The following F2R variants were observed in gnomAD, a reference collection of about 807,000 sequenced individuals.
F2R encodes coagulation factor II thrombin receptor, also known as proteinase-activated receptor 1.
A neutral mutation model predicts 18.3 loss-of-function variants in F2R; 12 were observed. The observed-to-expected ratio is 0.66, with a 90% CI of 0.42 to 1.06. F2R has a LOEUF of 1.06. F2R is among the 50% of genes least tolerant of loss of function. F2R has a pLI of 0.00. For synonymous variants in F2R, 210 were observed against 219.9 expected (o/e 0.95, Z 0.40); for missense variants, 438 against 530.8 (o/e 0.83, Z 1.72).
Position 76,732,905 on chromosome 5 carries a change from G to T in F2R, c.680G>T (p.Trp227Leu). Reference sequence around the variant, plus strand: ...GCTTCCTTCACTTGTCTGGCCATCTGGGCTTTGGCCATCGCAGGGGTAGTG... The same window carrying T: ...GCTTCCTTCACTTGTCTGGCCATCTTGGCTTTGGCCATCGCAGGGGTAGTG... Reference protein sequence around the residue: ...GRASFTCLAIWALAIAGVVPL... With the variant: ...GRASFTCLAILALAIAGVVPL... The change falls in exon 2 of 2, where the codon TGG (tryptophan) becomes TTG (leucine). Residue 227 changes from tryptophan to leucine, a missense_variant. Physicochemically the swap from Trp to Leu is moderately conservative, Grantham distance 61. Coordinates refer to ENST00000319211, the MANE Select transcript of F2R (RefSeq NM_001992.5). 1 of 1,614,130 alleles carries T rather than the reference G, an allele frequency of 6.2e-7. No homozygotes were observed. Among genetic ancestry groups the T allele is most frequent in the Non-Finnish European group, 8.5e-7 (1 of 1,180,038 alleles).
Position 76,732,752 on chromosome 5 carries a change from G to A in F2R, c.527G>A (p.Arg176His), listed in dbSNP as rs752231723. 8 of 1,613,990 alleles carry A rather than the reference G, an allele frequency of 5.0e-6. No individual in the cohort carries two copies. The Admixed American group carries it at 5.0e-5, about 10-fold the overall frequency. The change falls in exon 2 of 2, where the codon CGC (arginine) becomes CAC (histidine). Residue 176 changes from arginine to histidine, a missense_variant. By Grantham distance (29) the Arg-to-His change is conservative. Transcript: ENST00000319211. ...TGGCAGTTTGGGTCTGAATTGTGTC[G>A]CTTCGTCACTGCAGCATTTTACTGT... ...SDWQFGSELC[R>H]FVTAAFYCNM... is the part of the protein sequence containing the mutation.
chr5:76,723,461 G>A (rs1375471306), intron 1 of F2R, among the ~76,000 whole-genome samples: 1 of 152,134 alleles, frequency 6.6e-6, no homozygotes, highest in East Asian at 1.9e-4. Context: ...GTGCCTCCAT[G>A]TTGTCATTTA....
At chr5:76,716,565 C>T in intron 1 of F2R, 170 bp downstream of exon 1, 3 of 702,790 alleles carry the variant, frequency 4.3e-6, no homozygotes, top group Non-Finnish European at 7.1e-6. Context: ...TGGGGCGTGC[C>T]ACCCCCTTCG....
In F2R at chr5:76,733,132, G is replaced by T. The variant is rs1225788905; in HGVS notation, c.907G>T (p.Ala303Ser). 6.2e-7 allele frequency: 1 copy of T among 1,614,042 alleles called. No homozygotes were observed. Among genetic ancestry groups the T allele is most frequent in the African/African-American group, 1.3e-5 (1 of 74,920 alleles). ...IIRCLSSSAV[A>S]NRSKKSRALF... ...TCGATGTCTTAGCTCTTCCGCAGTT[G>T]CCAACCGCAGCAAGAAGTCCCGGGC... Residue 303 changes from alanine (A) to serine (S), a missense_variant, in exon 2 of 2, where the codon GCC (alanine) becomes TCC (serine). Ala to Ser is a moderately conservative substitution (Grantham distance 99). Coordinates refer to ENST00000319211, the MANE Select transcript of F2R (RefSeq NM_001992.5).
chr5:76,732,793 A>C lies in F2R; in HGVS notation c.568A>C (p.Ile190Leu). 6.2e-7 allele frequency: 1 copy of C among 1,614,122 alleles called. No individual in the cohort carries two copies. The highest frequency in any genetic ancestry group is 8.5e-7 in the Non-Finnish European group (1 of 1,180,026). Residue 190 changes from isoleucine (I) to leucine (L), a missense_variant, in exon 2 of 2, where the codon ATC (isoleucine) becomes CTC (leucine). By Grantham distance (5) the Ile-to-Leu change is conservative. Transcript: ENST00000319211. The part of the protein sequence containing the change: ...AAFYCNMYAS[I>L]LLMTVISIDR... ...ATTTTACTGTAACATGTACGCCTCTATCTTGCTCATGACAGTCATAAGCAT... is the reference window on the plus strand; with the variant it reads ...ATTTTACTGTAACATGTACGCCTCTCTCTTGCTCATGACAGTCATAAGCAT...
Position 76,732,445 on chromosome 5 carries a change from A to C in F2R, c.220A>C (p.Ile74Leu). ...SGLTEYRLVS[I>L]NKSSPLQKQL... ...GTTAACTGAATACAGATTAGTCTCCATCAATAAAAGCAGTCCTCTTCAAAA... is the reference window on the plus strand; with the variant it reads ...GTTAACTGAATACAGATTAGTCTCCCTCAATAAAAGCAGTCCTCTTCAAAA... The change falls in exon 2 of 2, where the codon ATC becomes CTC. Residue 74 changes from isoleucine (I) to leucine (L), a missense_variant. Transcript: ENST00000319211. 1 of 1,614,202 alleles carries C rather than the reference A, an allele frequency of 6.2e-7. No homozygotes were observed. The highest frequency in any genetic ancestry group is 8.5e-7 in the Non-Finnish European group (1 of 1,180,032).
intron 1 of F2R, among the ~76,000 whole-genome samples, chr5:76,720,554 C>T (rs984960079): frequency 6.6e-6 from 1 of 151,726 alleles, no homozygotes; most frequent in African/African-American, 2.4e-5. Flanking sequence ...TTAAAGTATA[C>T]AATTCATTGG....
rs2227766 is a variant in F2R, at chr5:76,721,922, A to G, written c.88+5527A>G. On this transcript the variant is annotated intron_variant, in intron 1 of 1. Transcript: ENST00000319211. ...TTTAATGCTTATTGCAATCTTGTGA[A>G]TTGATTTCATAGCCATTGCTAAATC... Among the ~76,000 whole-genome samples, 1,330 of 152,270 alleles carry G rather than the reference A, an allele frequency of 8.7e-3. 24 individuals carry two copies. The highest frequency in any genetic ancestry group is 0.03 in the African/African-American group (1,237 of 41,558).
chr5:76,726,645 G>C (rs1748564590), intron 1 of F2R, among the ~76,000 whole-genome samples: 1 of 152,100 alleles, frequency 6.6e-6, no homozygotes, highest in Admixed American at 6.6e-5. Context: ...AGGTTGCAGT[G>C]AGCCAAAATC....
chr5:76,721,148 C>T (rs1277197190), intron 1 of F2R, among the ~76,000 whole-genome samples: 4 of 152,144 alleles, frequency 2.6e-5, no homozygotes, highest in South Asian at 2.1e-4. Context: ...CCTTCCATTG[C>T]GGATACTCAC....
chr5:76,728,685 C>CTTTTTTTTTTTTTTT, intron 1 of F2R, among the ~76,000 whole-genome samples: 1 of 90,510 alleles, frequency 1.1e-5, no homozygotes, highest in Non-Finnish European at 2.0e-5. Flanking sequence ...ACATCCTGGT[C>CTTTTTTTTTTTTTTT]TTTTTTTTTT....
rs909308433 is a variant in F2R, at chr5:76,733,736, T to C, written c.*233T>C. On this transcript the variant is annotated 3_prime_UTR_variant, in exon 2 of 2. Transcript: ENST00000319211. Reference sequence around the variant, plus strand: ...GGGAATATTGCCAATGCTACAGTAATAAATGAATGTCACTTCTGGATATAG... The same window carrying C: ...GGGAATATTGCCAATGCTACAGTAACAAATGAATGTCACTTCTGGATATAG... The C allele has an allele frequency of 5.1e-5, 27 of 525,878 alleles. 1 individual carries two copies. In the Admixed American group the frequency reaches 8.6e-4, roughly 17 times the overall value. 32.6% of individuals were successfully genotyped at this position (525,878 alleles called of 1,614,324 possible).
chr5:76,728,685 C>CTTTTTTTTTTTTTTTTTTTTTTTTTTTT (rs763418437), intron 1 of F2R, among the ~76,000 whole-genome samples: 1 of 90,510 alleles, frequency 1.1e-5, no homozygotes, highest in African/African-American at 4.3e-5. Context: ...ACATCCTGGT[C>CTTTTTTTTTTTTTTTTTTTTTTTTTTTT]TTTTTTTTTT....
intron 1 of F2R, among the ~76,000 whole-genome samples, chr5:76,723,056 G>T (rs949847210): frequency 1.3e-5 from 2 of 152,174 alleles, no homozygotes; most frequent in East Asian, 3.9e-4. Context: ...GTGTTTTAAA[G>T]ATGTATTTTT....
chr5:76,716,593 C>T (rs773012615), intron 1 of F2R, 198 bp downstream of exon 1: 5 of 706,724 alleles, frequency 7.1e-6, no homozygotes, highest in Non-Finnish European at 1.0e-5. Context: ...AGCCGATGCC[C>T]CTTTGGACTC....
At chr5:76,717,276 A>T (rs1216640908) in intron 1 of F2R, among the ~76,000 whole-genome samples, 1 of 152,242 alleles carries the variant, frequency 6.6e-6, no homozygotes, top group African/African-American at 2.4e-5. Context: ...TTTCCCCAAG[A>T]GCAGCACAGA....
chr5:76,718,853 G>A (rs1421579774), intron 1 of F2R, among the ~76,000 whole-genome samples: 2 of 152,208 alleles, frequency 1.3e-5, no homozygotes, highest in Non-Finnish European at 2.9e-5. Flanking sequence ...TGGTGACTAT[G>A]ACAGAGAGAA....
intron 1 of F2R, among the ~76,000 whole-genome samples, chr5:76,726,795 A>G (rs937579009): frequency 6.7e-6 from 1 of 149,946 alleles, no homozygotes; most frequent in African/African-American, 2.4e-5. Context: ...AATTAAAAAT[A>G]AAAAAAAATG....
intron 1 of F2R, among the ~76,000 whole-genome samples, chr5:76,728,269 A>G (rs907206635): frequency 6.6e-6 from 1 of 152,154 alleles, no homozygotes; most frequent in Non-Finnish European, 1.5e-5. Flanking sequence ...TCACCGTATT[A>G]TACAAGAGAT....
Sources: allele counts gnomAD v4.1 joint callset (sites outside exome capture counted in the v4.1 genomes callset), GRCh38; gene constraint gnomAD v4.1.1; transcripts MANE v1.5; gene names NCBI Gene and HGNC (gene_info 2026-07-23, HGNC 2026-07-21).